FHL2: variants seen among roughly 807,000 people sequenced by gnomAD.
FHL2 encodes the protein four and a half LIM domains protein 2.
Under a neutral mutation model 32.7 loss-of-function variants are expected in FHL2, and 20 were observed. The ratio of observed to expected loss-of-function variants is 0.61; its 90% confidence interval spans 0.43 to 0.89. FHL2 has a LOEUF of 0.89. FHL2 is among the 40% of genes least tolerant of loss of function. The pLI is 0.00. For synonymous variants in FHL2, 123 were observed against 128.1 expected (o/e 0.96, Z 0.27); for missense variants, 311 against 358.6 (o/e 0.87, Z 1.07).
intron 1 of FHL2, among the ~76,000 whole-genome samples, chr2:105,421,802 G>A (rs1227378348): frequency 2.0e-5 from 3 of 152,210 alleles, no homozygotes; most frequent in Admixed American, 6.5e-5. Flanking sequence ...GATGCAGAGG[G>A]CACAGTTCCA....
At chr2:105,387,277 C>A (rs1433505256) in intron 2 of FHL2, among the ~76,000 whole-genome samples, 1 of 152,116 alleles carries the variant, frequency 6.6e-6, no homozygotes, top group African/African-American at 2.4e-5. Context: ...GTGAGCTCCT[C>A]TTTATGATTC....
At chr2:105,359,354 T>A (rs1680130771), downstream of FHL2, 1 of 152,348 alleles carries the variant, frequency 6.6e-6, no homozygotes. Flanking sequence ...ATGAAATTAT[T>A]CTTTTTAAGC....
chr2:105,386,647 C>CTAAAGATGAA, intron 2 of FHL2, 107 bp from the exon 3 acceptor site: 1 of 882,336 alleles, frequency 1.1e-6, no homozygotes, highest in Non-Finnish European at 1.7e-6. Flanking sequence ...CGAAAGGTGG[C>CTAAAGATGAA]TAATTCCTCT....
chr2:105,384,793 G>A (rs1682177752), intron 3 of FHL2, among the ~76,000 whole-genome samples: 1 of 152,194 alleles, frequency 6.6e-6, no homozygotes, highest in Non-Finnish European at 1.5e-5. Flanking sequence ...TAGGCTTTGA[G>A]CCTATGCCCC....
At chr2:105,366,366 C>T (rs547030216) in intron 5 of FHL2, among the ~76,000 whole-genome samples, 5 of 152,184 alleles carry the variant, frequency 3.3e-5, no homozygotes, top group East Asian at 1.9e-4. Flanking sequence ...ATGGCCCAGA[C>T]GCAAGGGTAG....
At chr2:105,414,584 G>A (rs777581343) in intron 1 of FHL2, among the ~76,000 whole-genome samples, 3 of 152,148 alleles carry the variant, frequency 2.0e-5, no homozygotes, top group Non-Finnish European at 4.4e-5. Context: ...ACAGAGTCTC[G>A]CTCTGTCGCC....
chr2:105,417,244 T>G (rs1046284242), intron 1 of FHL2, among the ~76,000 whole-genome samples: 2 of 151,972 alleles, frequency 1.3e-5, no homozygotes, highest in African/African-American at 4.8e-5. Context: ...TAGCTGGGCA[T>G]GGTGGCACGT....
At chr2:105,425,369 T>A (rs1359267561) in intron 1 of FHL2, among the ~76,000 whole-genome samples, 1 of 152,124 alleles carries the variant, frequency 6.6e-6, no homozygotes, top group Non-Finnish European at 1.5e-5. Flanking sequence ...CGCAGGGAAC[T>A]CTGCCCTTGA....
intron 1 of FHL2, among the ~76,000 whole-genome samples, chr2:105,404,496 A>G (rs1472039129): frequency 1.3e-5 from 2 of 152,156 alleles, no homozygotes; most frequent in Non-Finnish European, 2.9e-5. Context: ...TTTTTCTGGA[A>G]ACACTATTTG....
intron 1 of FHL2, among the ~76,000 whole-genome samples, chr2:105,427,554 G>A (rs1225398264): frequency 6.6e-6 from 1 of 152,130 alleles, no homozygotes; most frequent in Non-Finnish European, 1.5e-5. Context: ...ACTCTCAAAT[G>A]TCAATAATCA....
intron 1 of FHL2, among the ~76,000 whole-genome samples, chr2:105,438,048 A>G (rs73948413): frequency 0.039 from 5,917 of 152,282 alleles, 290 homozygotes; most frequent in African/African-American, 0.12. Context: ...TCCCCTTAAA[A>G]AATGTTTTCC....
intron 6 of FHL2, among the ~76,000 whole-genome samples, chr2:105,362,346 A>T (rs1363400869): frequency 6.6e-6 from 1 of 152,216 alleles, no homozygotes; most frequent in Non-Finnish European, 1.5e-5. Context: ...TGCATTACAC[A>T]TGAGAGTACT....
chr2:105,412,521 A>G (rs1033269928), intron 1 of FHL2, among the ~76,000 whole-genome samples: 7 of 152,216 alleles, frequency 4.6e-5, no homozygotes, highest in African/African-American at 1.4e-4. Flanking sequence ...AGAAGGTTGG[A>G]GCTGATGGTA....
chr2:105,363,216 C>G, intron 6 of FHL2, 69 bp downstream of exon 6: 1 of 1,504,284 alleles, frequency 6.6e-7, no homozygotes, highest in Admixed American at 1.8e-5. Flanking sequence ...GACAGGGTCA[C>G]AGGCTAAAAT....
chr2:105,428,235 C>T (rs954596405), intron 1 of FHL2, among the ~76,000 whole-genome samples: 4 of 152,120 alleles, frequency 2.6e-5, no homozygotes, highest in African/African-American at 9.7e-5. Flanking sequence ...TGGAGGTATG[C>T]GTATATGTGT....
intron 1 of FHL2, among the ~76,000 whole-genome samples, chr2:105,406,454 T>A (rs1192413362): frequency 1.3e-5 from 1 of 79,154 alleles, no homozygotes. Flanking sequence ...CTTTTTCTTA[T>A]CTTTTTTTTT....
At chr2:105,392,332 G>A (rs1266524021) in intron 2 of FHL2, among the ~76,000 whole-genome samples, 1 of 152,042 alleles carries the variant, frequency 6.6e-6, no homozygotes, top group African/African-American at 2.4e-5. Flanking sequence ...AAATTTGCCG[G>A]GTGTGGTGGC....
intron 2 of FHL2, among the ~76,000 whole-genome samples, chr2:105,389,205 T>C (rs1254000942): frequency 1.3e-5 from 2 of 152,248 alleles, no homozygotes; most frequent in South Asian, 2.1e-4. Flanking sequence ...CTGGACATTC[T>C]TGTGATAACA....
At chr2:105,370,779 C>A (rs537109257) in intron 4 of FHL2, among the ~76,000 whole-genome samples, 12 of 152,164 alleles carry the variant, frequency 7.9e-5, no homozygotes, top group Non-Finnish European at 1.3e-4. Flanking sequence ...TTCTTCTAGA[C>A]GCCCTGCCTT....
Sources: gnomAD v4.1 joint callset for allele counts (sites outside exome capture counted in the v4.1 genomes callset) on GRCh38, gnomAD v4.1.1 for gene constraint, MANE v1.5 for transcripts, NCBI Gene and HGNC (gene_info 2026-07-23, HGNC 2026-07-21) for gene names.